The following PECR variants were observed in gnomAD, a reference collection of about 807,000 sequenced individuals.
The protein encoded by PECR is peroxisomal trans-2-enoyl-CoA reductase.
A neutral mutation model predicts 35.3 loss-of-function variants in PECR; 30 were observed. That is an observed-to-expected ratio of 0.85 (90% CI 0.64 to 1.15). The LOEUF (loss-of-function observed/expected upper bound fraction) is 1.15. Ranked by LOEUF, PECR falls within the 50% of genes most tolerant of loss-of-function variation. The pLI, the probability that PECR is intolerant of heterozygous loss-of-function variation, is 0.00. For missense variants in PECR, 392 were observed against 370.8 expected, an observed-to-expected ratio of 1.06 and a Z score of -0.47; for synonymous variants, 148 against 138.9, an observed-to-expected ratio of 1.07 and a Z score of -0.46.
chr2:216,042,229 G>T (rs1158877710), intron 7 of PECR, among the ~76,000 whole-genome samples: 3 of 152,220 alleles, frequency 2.0e-5, no homozygotes, highest in Non-Finnish European at 4.4e-5. Flanking sequence ...AGAACTGCTT[G>T]CTTGGTTGCT....
chr2:216,064,336 C>T lies in PECR; in HGVS notation c.424+976G>A, dbSNP rs114637781. On this transcript the variant is annotated intron_variant, in intron 3 of 7. Coordinates refer to ENST00000265322, the MANE Select transcript of PECR (RefSeq NM_018441.6). ...GATCATTTAACTGAATTCTAGCTGACGAATGTGAGCAAACATCATGGTGCT... is the reference window on the plus strand; with the variant it reads ...GATCATTTAACTGAATTCTAGCTGATGAATGTGAGCAAACATCATGGTGCT... Among the ~76,000 whole-genome samples the T allele has an allele frequency of 6.3e-3, 962 of 152,280 alleles. 15 individuals carry two copies. The highest frequency in any genetic ancestry group is 0.025 in the South Asian group (122 of 4,818).
At chr2:216,066,790 G>T (rs1695475403) in intron 1 of PECR, among the ~76,000 whole-genome samples, 1 of 152,096 alleles carries the variant, frequency 6.6e-6, no homozygotes. Flanking sequence ...CCGGGCTAAA[G>T]CAATCCTCCC....
chr2:216,058,075 A>C (rs1203868840), intron 4 of PECR: 1 of 152,226 alleles, frequency 6.6e-6, no homozygotes, highest in Non-Finnish European at 1.5e-5. Context: ...ATTGTGGCTG[A>C]ACCTAACATG....
At chr2:216,074,482 A>G (rs1396695102) in intron 1 of PECR, among the ~76,000 whole-genome samples, 3 of 144,820 alleles carry the variant, frequency 2.1e-5, no homozygotes, top group Non-Finnish European at 4.5e-5. Flanking sequence ...GAGAGAGAGA[A>G]AGAAAGAAAA....
intron 4 of PECR, chr2:216,057,585 T>C (rs142498415): frequency 1.3e-5 from 2 of 152,244 alleles, no homozygotes; most frequent in Non-Finnish European, 2.9e-5. Flanking sequence ...GATGCTAAAA[T>C]AGGTAAATAC....
intron 3 of PECR, 55 bp from the exon 4 acceptor site, chr2:216,059,031 T>G: frequency 9.8e-7 from 1 of 1,016,028 alleles, no homozygotes. Flanking sequence ...CTGGCCCTCC[T>G]GATACCTTGT....
chr2:216,052,200 T>C (rs1033269944), intron 4 of PECR, among the ~76,000 whole-genome samples: 18 of 151,994 alleles, frequency 1.2e-4, no homozygotes, highest in Admixed American at 1.1e-3. Context: ...ATAAATGAAG[T>C]ATGGGGTCTT....
At chr2:216,061,790 T>C (rs186487867) in intron 3 of PECR, among the ~76,000 whole-genome samples, 16 of 152,242 alleles carry the variant, frequency 1.1e-4, no homozygotes, top group Admixed American at 7.9e-4. Context: ...ATTAGGGAAA[T>C]TTCAATAAGG....
chr2:216,037,142 ACT>A (rs1694806991), downstream of PECR, among the ~76,000 whole-genome samples: 1 of 152,178 alleles, frequency 6.6e-6, no homozygotes, highest in African/African-American at 2.4e-5. Context: ...AAGAACAGTC[ACT>A]CTACAACAAA....
At position 216,081,802 on chromosome 2, in the gene PECR, AGGCG is replaced by A; in HGVS notation, c.-65_-62del. On this transcript the variant is annotated 5_prime_UTR_variant, in exon 1 of 8. Coordinates refer to ENST00000265322, the MANE Select transcript of PECR (RefSeq NM_018441.6). ...CCCTTCTGGGTCTCAGGGACATTCG[AGGCG>A]GGCGGGCGGACAGGGCGGTGCTCGA... The A allele has an allele frequency of 6.3e-7, 1 of 1,587,784 alleles. No homozygotes were observed. The highest frequency in any genetic ancestry group is 8.5e-7 in the Non-Finnish European group (1 of 1,170,660).
rs759514703 is a variant in PECR, at chr2:216,065,302, T to C, written c.424+10A>G. On this transcript the variant is annotated intron_variant, in intron 3 of 7. Transcript: ENST00000265322. ...AGACATGTTGACTTGTGGATACTGATGGTACTTGCCTGCTTTGCACATGTA... is the reference window on the plus strand; with the variant it reads ...AGACATGTTGACTTGTGGATACTGACGGTACTTGCCTGCTTTGCACATGTA... 5 of 1,592,670 alleles carry C rather than the reference T, an allele frequency of 3.1e-6. No individual in the cohort carries two copies. The South Asian group carries it at 4.4e-5, about 14-fold the overall frequency.
chr2:216,072,385 CTTTAT>C (rs1176010459), intron 1 of PECR, among the ~76,000 whole-genome samples: 6 of 152,150 alleles, frequency 3.9e-5, no homozygotes, highest in African/African-American at 7.2e-5. Context: ...AAATAAGGCA[CTTTAT>C]TTTATTTCTT....
intron 3 of PECR, among the ~76,000 whole-genome samples, chr2:216,061,558 A>C (rs183523188): frequency 6.6e-6 from 1 of 152,264 alleles, no homozygotes; most frequent in East Asian, 1.9e-4. Flanking sequence ...ATGCAGTAAG[A>C]AGTATATATA....
intron 1 of PECR, among the ~76,000 whole-genome samples, chr2:216,077,414 G>C (rs1004452803): frequency 6.6e-6 from 1 of 152,268 alleles, no homozygotes; most frequent in Non-Finnish European, 1.5e-5. Flanking sequence ...GGCTGAGGCA[G>C]GAGAATGGCT....
downstream of PECR, among the ~76,000 whole-genome samples, chr2:216,037,753 A>G (rs1176634833): frequency 2.0e-5 from 3 of 152,100 alleles, no homozygotes; most frequent in African/African-American, 7.2e-5. Context: ...TCTGGGTCCC[A>G]AACCCCAGAG....
At chr2:216,048,024 T>G (rs1168485797) in intron 6 of PECR, among the ~76,000 whole-genome samples, 1 of 151,750 alleles carries the variant, frequency 6.6e-6, no homozygotes, top group Admixed American at 6.6e-5. Context: ...TACTACTAGT[T>G]ATTTTCATTT....
Position 216,051,441 on chromosome 2 carries a change from T to C in PECR, c.603+8A>G. On this transcript the variant is annotated splice_region_variant and intron_variant, in intron 5 of 7. Transcript: ENST00000265322. Reference sequence around the variant, plus strand: ...GTCAATAAATTTCAATATAGATCGTTTACCTACAGGGGCAACACAATTGAT... The same window carrying C: ...GTCAATAAATTTCAATATAGATCGTCTACCTACAGGGGCAACACAATTGAT... 2 of 1,531,298 alleles carry C rather than the reference T, an allele frequency of 1.3e-6. No individual in the cohort carries two copies. The highest frequency in any genetic ancestry group is 2.2e-5 in the South Asian group (2 of 89,396). The allele number at this position is 1,531,298 out of a possible 1,614,324, so 94.9% of individuals were successfully genotyped here. A position where few individuals can be genotyped will look rare whatever the true frequency, so the allele number is the denominator to read the frequency against.
chr2:216,045,164 C>T (rs149710186), intron 6 of PECR, among the ~76,000 whole-genome samples: 172 of 152,324 alleles, frequency 1.1e-3, no homozygotes, highest in African/African-American at 4.0e-3. Context: ...CTTGCCTCAT[C>T]CCAGTCCTGG....
chr2:216,057,214 T>C (rs1050578385), intron 4 of PECR, among the ~76,000 whole-genome samples: 1 of 152,140 alleles, frequency 6.6e-6, no homozygotes, highest in Admixed American at 6.5e-5. Flanking sequence ...CTATCTGATG[T>C]ACAGAAAATG....
Sources: allele counts gnomAD v4.1 joint callset (sites outside exome capture counted in the v4.1 genomes callset), GRCh38; gene constraint gnomAD v4.1.1; transcripts MANE v1.5; gene names NCBI Gene and HGNC (gene_info 2026-07-23, HGNC 2026-07-21).